Variants in ACER3 observed in about 807,000 individuals in gnomAD.
ACER3 encodes alkCDase 3.
In ACER3, 16 loss-of-function variants were observed where a neutral mutation model predicts 48.9. That is an observed-to-expected ratio of 0.33 (90% CI 0.22 to 0.50). The LOEUF is 0.50. ACER3 is among the 20% of genes least tolerant of loss of function. The probability of loss-of-function intolerance (pLI) is 0.98; values close to 1 mark genes in which losing one functional copy is unlikely to be tolerated. For synonymous variants in ACER3, 109 were observed against 107.8 expected, an observed-to-expected ratio of 1.01 and a Z score of -0.07; for missense variants, 227 against 326.0, an observed-to-expected ratio of 0.70 and a Z score of 2.34.
intron 3 of ACER3, among the ~76,000 whole-genome samples, chr11:76,959,438 C>T (rs1226456650): frequency 1.3e-5 from 2 of 152,174 alleles, no homozygotes; most frequent in Non-Finnish European, 2.9e-5. Context: ...TTAAAGCAAG[C>T]TTGTCCAACC....
intron 1 of ACER3, among the ~76,000 whole-genome samples, chr11:76,865,640 C>G (rs933795048): frequency 6.6e-6 from 1 of 151,596 alleles, no homozygotes; most frequent in Admixed American, 6.6e-5. Flanking sequence ...ACCCACATAA[C>G]TGGGATTACA....
chr11:76,930,469 G>A (rs904657979), intron 2 of ACER3, among the ~76,000 whole-genome samples: 3 of 144,840 alleles, frequency 2.1e-5, no homozygotes, highest in Admixed American at 7.0e-5. Flanking sequence ...ATCTCCTTCA[G>A]TTCTGCTCTG....
At chr11:76,961,915 T>G (rs531294402) in intron 3 of ACER3, among the ~76,000 whole-genome samples, 1 of 150,634 alleles carries the variant, frequency 6.6e-6, no homozygotes, top group South Asian at 2.1e-4. Context: ...AAGAATACCT[T>G]TACAGTGGAG....
Position 76,860,976 on chromosome 11 carries a change from G to C in ACER3, c.-1G>C. 2 of 1,532,468 alleles carry C rather than the reference G, an allele frequency of 1.3e-6. No homozygotes were observed. Among genetic ancestry groups the C allele is most frequent in the Non-Finnish European group, 1.8e-6 (2 of 1,140,220 alleles). 94.9% of individuals were successfully genotyped at this position (1,532,468 alleles called of 1,614,324 possible). ...GCCTGGGCGGCGGCGGCGGCGGCGT[G>C]ATGGCTCCGGCCGCGGACCGAGAGG... On this transcript the variant is annotated 5_prime_UTR_variant, in exon 1 of 11. Coordinates refer to ENST00000532485, the MANE Select transcript of ACER3 (RefSeq NM_018367.7).
intron 1 of ACER3, among the ~76,000 whole-genome samples, chr11:76,874,737 G>A (rs1324703372): frequency 1.3e-5 from 2 of 152,142 alleles, no homozygotes; most frequent in African/African-American, 4.8e-5. Flanking sequence ...TGGGAGGTGG[G>A]GACGGGGGCA....
Position 77,025,758 on chromosome 11 carries a change from G to A in ACER3, c.*5431G>A, listed in dbSNP as rs1949542628. ...GAAAGAAGAATATGCAACAGAAACT[G>A]TATGTAGCCTGCAAAGCCTAAAATG... On this transcript the variant is annotated 3_prime_UTR_variant, in exon 11 of 11. Transcript: ENST00000532485. The A allele has an allele frequency of 6.6e-6, 1 of 152,168 alleles. No individual in the cohort carries two copies. 9.4% of individuals were successfully genotyped at this position (152,168 alleles called of 1,614,324 possible).
intron 5 of ACER3, among the ~76,000 whole-genome samples, chr11:76,988,580 G>C (rs772952606): frequency 1.3e-5 from 2 of 152,106 alleles, no homozygotes; most frequent in Admixed American, 6.6e-5. Context: ...AAAAGCATGA[G>C]GGAACCACCC....
intron 7 of ACER3, among the ~76,000 whole-genome samples, chr11:77,012,416 C>CAAAAAAAAAAAAAAAAAAAAAAAAAAA (rs35917677): frequency 4.7e-5 from 1 of 21,386 alleles, no homozygotes. Context: ...GACTCCATCT[C>CAAAAAAAAAAAAAAAAAAAAAAAAAAA]AAAAAAAAAA....
chr11:76,958,837 A>G (rs1947911915), intron 2 of ACER3, 142 bp from the exon 3 acceptor site: 1 of 845,268 alleles, frequency 1.2e-6, no homozygotes, highest in East Asian at 2.7e-5. Context: ...CACTTACTCA[A>G]GAGTCAGCTA....
intron 3 of ACER3, among the ~76,000 whole-genome samples, chr11:76,973,519 T>A (rs1349529694): frequency 1.3e-5 from 2 of 152,142 alleles, no homozygotes; most frequent in Non-Finnish European, 2.9e-5. Context: ...GTCCACACCC[T>A]CAGCTCCTCC....
Position 76,901,392 on chromosome 11 carries a change from C to G in ACER3, c.104-25165C>G, listed in dbSNP as rs145454861. 3.6e-3 allele frequency among the ~76,000 whole-genome samples: 545 copies of G among 152,268 alleles called. 3 individuals are homozygous for G. Among genetic ancestry groups the G allele is most frequent in the East Asian group, 7.5e-3 (39 of 5,190 alleles). On this transcript the variant is annotated intron_variant, in intron 1 of 10. Transcript: ENST00000532485. ...TCTTGTTTTCCAGGCCCTCTTGTTG[C>G]ATAACCAGAGACTGGAAGCTGGTTT...
chr11:76,860,985 G>T lies in ACER3; in HGVS notation c.9G>T (p.Pro3=). 1 of 1,536,922 alleles carries T rather than the reference G, an allele frequency of 6.5e-7. No individual in the cohort carries two copies. ...GCGGCGGCGGCGGCGTGATGGCTCC[G>T]GCCGCGGACCGAGAGGGCTACTGGG... MA[P]AADREGYWGP... is the part of the protein sequence containing the mutation. The change falls in exon 1 of 11, where the codon CCG becomes CCT. Residue 3 remains proline (P), a synonymous_variant. Coordinates refer to ENST00000532485, the MANE Select transcript of ACER3 (RefSeq NM_018367.7).
chr11:77,005,852 G>C (rs1949123608), intron 7 of ACER3, among the ~76,000 whole-genome samples: 2 of 149,602 alleles, frequency 1.3e-5, no homozygotes, highest in African/African-American at 4.9e-5. Flanking sequence ...TGAGGTACTA[G>C]AGTTATGACT....
chr11:76,985,605 A>G (rs1345691733), intron 4 of ACER3, 38 bp from the exon 5 acceptor site: 11 of 1,291,026 alleles, frequency 8.5e-6, no homozygotes, highest in Non-Finnish European at 1.1e-5. Flanking sequence ...TCCTACTTAT[A>G]TATTCTTTTA....
At chr11:76,900,956 C>T (rs1044711337) in intron 1 of ACER3, among the ~76,000 whole-genome samples, 13 of 152,176 alleles carry the variant, frequency 8.5e-5, no homozygotes, top group Non-Finnish European at 2.9e-5. Context: ...ATGTGTACAA[C>T]ATCTGGACAC....
At chr11:76,919,945 G>A (rs1946642737) in intron 1 of ACER3, among the ~76,000 whole-genome samples, 1 of 152,148 alleles carries the variant, frequency 6.6e-6, no homozygotes, top group Admixed American at 6.5e-5. Flanking sequence ...TCTTAGCTCT[G>A]AGTTCAACAT....
At chr11:76,918,996 A>G (rs1210861507) in intron 1 of ACER3, among the ~76,000 whole-genome samples, 1 of 151,008 alleles carries the variant, frequency 6.6e-6, no homozygotes, top group African/African-American at 2.4e-5. Context: ...GCATTGGGGA[A>G]AAGTGCTGGG....
intron 1 of ACER3, among the ~76,000 whole-genome samples, chr11:76,902,956 G>T (rs1210812919): frequency 6.6e-6 from 1 of 152,054 alleles, no homozygotes; most frequent in Admixed American, 6.5e-5. Context: ...GAATAGTGCT[G>T]TTTACCATCT....
intron 1 of ACER3, among the ~76,000 whole-genome samples, chr11:76,925,444 A>G (rs1946804469): frequency 6.6e-6 from 1 of 152,194 alleles, no homozygotes; most frequent in African/African-American, 2.4e-5. Context: ...AATTTTTCCA[A>G]CACCTCTGTC....
Sources: allele counts gnomAD v4.1 joint callset (sites outside exome capture counted in the v4.1 genomes callset), GRCh38; gene constraint gnomAD v4.1.1; transcripts MANE v1.5; gene names NCBI Gene and HGNC (gene_info 2026-07-23, HGNC 2026-07-21).